The following TMPRSS11A variants were observed in gnomAD, a reference collection of about 807,000 sequenced individuals.
TMPRSS11A encodes the protein transmembrane serine protease 11A, also known as transmembrane protease serine 11A.
Under a neutral mutation model 58.9 loss-of-function variants are expected in TMPRSS11A, and 53 were observed. That is an observed-to-expected ratio of 0.90 (90% CI 0.72 to 1.13). TMPRSS11A has a LOEUF of 1.13. Among genes scored for constraint, TMPRSS11A ranks in the 50% most tolerant of loss-of-function variants. TMPRSS11A has a pLI of 0.00. For synonymous variants in TMPRSS11A, 167 were observed against 169.8 expected, an observed-to-expected ratio of 0.98 and a Z score of 0.13; for missense variants, 493 against 499.3, an observed-to-expected ratio of 0.99 and a Z score of 0.12.
rs1425669272 is a variant in TMPRSS11A at position 67,963,459 on chromosome 4, A to G, written c.-66T>C. ...TGAACTCAACTTTCTAATCAACTAT[A>G]TGACATCTCTAGATGTATTAGAAGT... is the stretch of plus-strand genomic sequence containing the variant. On this transcript the variant is annotated 5_prime_UTR_variant, in exon 1 of 10. Transcript: ENST00000508048. 4.5e-6 allele frequency: 7 copies of G among 1,551,228 alleles called. No individual in the cohort carries two copies. The highest frequency in any genetic ancestry group is 2.3e-5 in the South Asian group (2 of 88,592).
At chr4:67,949,632 G>T (rs1721111709) in intron 1 of TMPRSS11A, among the ~76,000 whole-genome samples, 1 of 152,196 alleles carries the variant, frequency 6.6e-6, no homozygotes, top group African/African-American at 2.4e-5. Context: ...GCTGAAGTGG[G>T]CAGGTCACTT....
At chr4:67,937,228 C>T (rs909267112) in intron 3 of TMPRSS11A, among the ~76,000 whole-genome samples, 1 of 152,150 alleles carries the variant, frequency 6.6e-6, no homozygotes, top group Non-Finnish European at 1.5e-5. Flanking sequence ...TACCCATCCA[C>T]ACCTTTCTTC....
chr4:67,924,258 T>G, intron 5 of TMPRSS11A, 92 bp from the exon 6 acceptor site: 1 of 1,041,304 alleles, frequency 9.6e-7, no homozygotes, highest in Non-Finnish European at 1.5e-6. Flanking sequence ...TGACCATATA[T>G]GGATTCTAGA....
At chr4:67,931,153 T>C (rs972760986) in intron 4 of TMPRSS11A, among the ~76,000 whole-genome samples, 4 of 152,124 alleles carry the variant, frequency 2.6e-5, no homozygotes, top group African/African-American at 9.7e-5. Flanking sequence ...AGTTCTAGCA[T>C]TTATATGCTT....
In TMPRSS11A at chr4:67,963,414, T is replaced by A. The variant is rs1721488165; in HGVS notation, c.-21A>T. On this transcript the variant is annotated 5_prime_UTR_variant, in exon 1 of 10. Transcript: ENST00000508048. ...ATCATGTACAGGAGGAAGAATATGA[T>A]CTTGCAGGTCTGCACCCACTGAACT... 1 of 1,613,646 alleles carries A rather than the reference T, an allele frequency of 6.2e-7. No individual in the cohort carries two copies. Among genetic ancestry groups the A allele is most frequent in the Non-Finnish European group, 8.5e-7 (1 of 1,179,786 alleles).
intron 1 of TMPRSS11A, among the ~76,000 whole-genome samples, chr4:67,947,614 TG>T (rs1311938004): frequency 1.3e-5 from 2 of 152,214 alleles, no homozygotes; most frequent in Non-Finnish European, 2.9e-5. Context: ...ACTTCAAAGG[TG>T]GTGCTGTGTA....
At chr4:67,926,639 T>A (rs1408141639) in intron 5 of TMPRSS11A, among the ~76,000 whole-genome samples, 1 of 152,192 alleles carries the variant, frequency 6.6e-6, no homozygotes, top group Non-Finnish European at 1.5e-5. Flanking sequence ...CACATTGCCA[T>A]TCTTGACCAT....
At chr4:67,954,277 G>A (rs1318496947) in intron 1 of TMPRSS11A, among the ~76,000 whole-genome samples, 2 of 152,154 alleles carry the variant, frequency 1.3e-5, no homozygotes, top group Admixed American at 1.3e-4. Flanking sequence ...ACCTTTCCTG[G>A]GTTCCCCATG....
rs1356131632 is a variant in TMPRSS11A at position 67,932,093 on chromosome 4, A to T, written c.253-33T>A. 1.6e-6 allele frequency: 2 copies of T among 1,264,068 alleles called. 1 individual carries two copies. Among genetic ancestry groups the T allele is most frequent in the Non-Finnish European group, 2.3e-6 (2 of 875,834 alleles). 78.3% of individuals were successfully genotyped at this position (1,264,068 alleles called of 1,614,324 possible). ...ACAACAAGAGAGAAACTATGTGTTA[A>T]TAATATATTTTATAATAGGAATATA... On this transcript the variant is annotated intron_variant, in intron 3 of 9. Transcript: ENST00000508048.
At position 67,929,911 on chromosome 4, in the gene TMPRSS11A, C is replaced by T; in HGVS notation, c.450G>A (p.Leu150=). 8.1e-6 allele frequency: 13 copies of T among 1,613,256 alleles called. No individual in the cohort carries two copies. Among genetic ancestry groups the T allele is most frequent in the Non-Finnish European group, 1.1e-5 (13 of 1,179,458 alleles). ...LNQKIRNLRA[L]PINASSVQVN... The stretch of plus-strand genomic sequence containing the variant: ...CTTGAACTGATGAGGCATTTATTGG[C>T]AAGGCTCTTAAATTCCTTATCTTCT... Residue 150 remains leucine (L), a synonymous_variant, in exon 5 of 10, where the codon TTG becomes TTA. Coordinates refer to ENST00000508048, the MANE Select transcript of TMPRSS11A (RefSeq NM_001114387.2).
At position 67,922,823 on chromosome 4, in the gene TMPRSS11A, G is replaced by A; in HGVS notation, c.624C>T (p.Asn208=). 1 of 1,614,146 alleles carries A rather than the reference G, an allele frequency of 6.2e-7. No individual in the cohort carries two copies. The highest frequency in any genetic ancestry group is 8.5e-7 in the Non-Finnish European group (1 of 1,180,016). Residue 208 remains asparagine, a synonymous_variant, in exon 7 of 10, where the codon AAC becomes AAT. Coordinates refer to ENST00000508048, the MANE Select transcript of TMPRSS11A (RefSeq NM_001114387.2). ...WPWQASLQYD[N]IHQCGATLIS... is the part of the protein sequence containing the mutation. The stretch of plus-strand genomic sequence containing the variant: ...TCAAGGTGGCCCCACACTGATGGAT[G>A]TTATCATACTGAAGGGAAGCTTGCC...
At chr4:67,925,526 T>C (rs1720443169) in intron 5 of TMPRSS11A, among the ~76,000 whole-genome samples, 1 of 152,202 alleles carries the variant, frequency 6.6e-6, no homozygotes, top group South Asian at 2.1e-4. Context: ...CTAGTGATGA[T>C]AAACTCTACA....
At position 67,941,447 on chromosome 4, in the gene TMPRSS11A, G is replaced by C. The variant is rs538212104; in HGVS notation, c.252+3072C>G. Among the ~76,000 whole-genome samples, 24 of 152,222 alleles carry C rather than the reference G, an allele frequency of 1.6e-4. 1 individual carries two copies. In the South Asian group the frequency reaches 5.0e-3, roughly 32 times the overall value. Reference sequence around the variant, plus strand: ...CCTTGTTTGGTTTTGAAGTTTTTCTGTACTTACTGTCCTCAACATGTAATT... The same window carrying C: ...CCTTGTTTGGTTTTGAAGTTTTTCTCTACTTACTGTCCTCAACATGTAATT... On this transcript the variant is annotated intron_variant, in intron 3 of 9. Coordinates refer to ENST00000508048, the MANE Select transcript of TMPRSS11A (RefSeq NM_001114387.2).
chr4:67,916,839 A>C (rs1282411957), intron 8 of TMPRSS11A, among the ~76,000 whole-genome samples: 1 of 152,050 alleles, frequency 6.6e-6, no homozygotes, highest in Non-Finnish European at 1.5e-5. Context: ...AATAAAAATA[A>C]AAATAAAAAT....
At chr4:67,952,757 ATATGT>A (rs1215459374) in intron 1 of TMPRSS11A, among the ~76,000 whole-genome samples, 2 of 152,126 alleles carry the variant, frequency 1.3e-5, no homozygotes, top group African/African-American at 4.8e-5. Context: ...TTAATTCTTG[ATATGT>A]TATGTGTACA....
intron 1 of TMPRSS11A, among the ~76,000 whole-genome samples, chr4:67,954,877 T>C (rs953499168): frequency 3.3e-5 from 5 of 152,192 alleles, no homozygotes; most frequent in South Asian, 2.1e-4. Context: ...ACCTATCTCA[T>C]AGGATTTGTA....
At chr4:67,917,079 C>G (rs1437518902) in intron 8 of TMPRSS11A, among the ~76,000 whole-genome samples, 5 of 151,868 alleles carry the variant, frequency 3.3e-5, no homozygotes, top group African/African-American at 4.8e-5. Context: ...ATCAAATAAT[C>G]AGCTTTTTAT....
chr4:67,956,099 A>AGGTGATGTAATTGGTGATGT (rs1721282263), intron 1 of TMPRSS11A, among the ~76,000 whole-genome samples: 1 of 152,134 alleles, frequency 6.6e-6, no homozygotes, highest in African/African-American at 2.4e-5. Flanking sequence ...TGGTGATAAT[A>AGGTGATGTAATTGGTGATGT]AATACTACCT....
intron 3 of TMPRSS11A, among the ~76,000 whole-genome samples, chr4:67,936,887 A>G (rs1720767982): frequency 3.3e-5 from 5 of 152,228 alleles, no homozygotes; most frequent in African/African-American, 2.4e-5. Context: ...CTTTTGTAAA[A>G]GAGGAAAATA....
Sources: gnomAD v4.1 joint callset for allele counts (sites outside exome capture counted in the v4.1 genomes callset) on GRCh38, gnomAD v4.1.1 for gene constraint, MANE v1.5 for transcripts, NCBI Gene and HGNC (gene_info 2026-07-23, HGNC 2026-07-21) for gene names.